The following ARHGEF10L variants were observed in gnomAD, a reference collection of about 807,000 sequenced individuals.
ARHGEF10L encodes Rho guanine nucleotide exchange factor 10 like, also known as rho guanine nucleotide exchange factor 10-like protein.
In ARHGEF10L, 69 loss-of-function variants were observed where a neutral mutation model predicts 141.2. That is an observed-to-expected ratio of 0.49 (90% CI 0.40 to 0.60). ARHGEF10L has a LOEUF of 0.60. Ranked by LOEUF, ARHGEF10L falls within the 20% of genes least tolerant of loss-of-function variation. ARHGEF10L has a pLI of 0.00. For synonymous variants in ARHGEF10L, 711 were observed against 718.5 expected (o/e 0.99, Z 0.17); for missense variants, 1,482 against 1,734.3 (o/e 0.85, Z 2.58).
At chr1:17,596,688 G>C (rs1329853079) in intron 4 of ARHGEF10L, among the ~76,000 whole-genome samples, 1 of 152,182 alleles carries the variant, frequency 6.6e-6, no homozygotes, top group Non-Finnish European at 1.5e-5. Flanking sequence ...ACTGGGGCCT[G>C]TAGCAGCCCC....
At chr1:17,635,050 A>G in intron 18 of ARHGEF10L, 34 bp downstream of exon 18, 1 of 1,605,588 alleles carries the variant, frequency 6.2e-7, no homozygotes, top group Non-Finnish European at 8.5e-7. Context: ...TGCGTTCGTC[A>G]CCCTCGCCCT....
At chr1:17,645,603 G>A (rs926585520) in intron 21 of ARHGEF10L, among the ~76,000 whole-genome samples, 1 of 152,110 alleles carries the variant, frequency 6.6e-6, no homozygotes, top group Non-Finnish European at 1.5e-5. Context: ...CTTGAGAGCA[G>A]GGACAAGCTC....
intron 18 of ARHGEF10L, among the ~76,000 whole-genome samples, chr1:17,636,860 C>A (rs770515489): frequency 1.2e-4 from 18 of 152,148 alleles, no homozygotes; most frequent in Non-Finnish European, 2.5e-4. Context: ...AAAACCACGG[C>A]CTAGAGAATA....
At chr1:17,617,476 T>G (rs2059871942) in intron 9 of ARHGEF10L, among the ~76,000 whole-genome samples, 1 of 152,110 alleles carries the variant, frequency 6.6e-6, no homozygotes, top group Non-Finnish European at 1.5e-5. Flanking sequence ...CAGGGTCAAG[T>G]AAGACCGGCC....
In ARHGEF10L at chr1:17,697,453, A is replaced by G. The variant is rs1025595615; in HGVS notation, c.*73A>G. On this transcript the variant is annotated 3_prime_UTR_variant, in exon 29 of 29. Transcript: ENST00000361221. The surrounding 1 kb of genome is among the most constrained non-coding windows in gnomAD (Gnocchi z 4.8). ...CCACGCCCGGCTCTCGTGCTCTAGG[A>G]CCTGCACGGGACTTGTGGATGGGCC... 8.0e-6 allele frequency: 12 copies of G among 1,496,742 alleles called. No homozygotes were observed. The highest frequency in any genetic ancestry group is 9.9e-6 in the Non-Finnish European group (11 of 1,113,656). The allele number at this position is 1,496,742 out of a possible 1,614,324, so 92.7% of individuals were successfully genotyped here.
intron 26 of ARHGEF10L, among the ~76,000 whole-genome samples, chr1:17,685,262 C>A (rs1478828731): frequency 1.3e-5 from 2 of 152,228 alleles, no homozygotes; most frequent in African/African-American, 4.8e-5. Flanking sequence ...GCTCAACCCC[C>A]TCCAGTGGGC....
At chr1:17,610,942 G>A (rs1168194975) in intron 7 of ARHGEF10L, among the ~76,000 whole-genome samples, 1 of 151,344 alleles carries the variant, frequency 6.6e-6, no homozygotes, top group Non-Finnish European at 1.5e-5. Context: ...TGCCAATCCA[G>A]GATCTGTGGT....
intron 14 of ARHGEF10L, 54 bp downstream of exon 14, chr1:17,626,102 G>A (rs1327862999): frequency 6.5e-7 from 1 of 1,546,466 alleles, no homozygotes; most frequent in Non-Finnish European, 8.9e-7. Flanking sequence ...TGTGGGCTGG[G>A]AGGTGCCTCC....
Position 17,697,291 on chromosome 1 carries a change from G to A in ARHGEF10L, c.3751G>A (p.Gly1251Ser), listed in dbSNP as rs757166589. The A allele has an allele frequency of 1.2e-6, 2 of 1,612,694 alleles. No individual in the cohort carries two copies. Among genetic ancestry groups the A allele is most frequent in the Non-Finnish European group, 1.7e-6 (2 of 1,179,872 alleles). Reference sequence around the variant, plus strand: ...CGGCGGGCAGGGCTACCGCAACTTTGGCAGCGCTCTGGGCAGCAGTGGGAG... The same window carrying A: ...CGGCGGGCAGGGCTACCGCAACTTTAGCAGCGCTCTGGGCAGCAGTGGGAG... ...ISGGQGYRNF[G>S]SALGSSGRQA... Residue 1251 changes from glycine to serine, a missense_variant, in exon 29 of 29, where the codon GGC (glycine) becomes AGC (serine). Physicochemically the swap from Gly to Ser is moderately conservative, Grantham distance 56 (BLOSUM62 0). This residue lies in a region of ARHGEF10L where 858 missense variants were observed against 966.3 expected (regional missense o/e 0.89). Coordinates refer to ENST00000361221, the MANE Select transcript of ARHGEF10L (RefSeq NM_018125.4). The surrounding 1 kb of genome is among the most constrained non-coding windows in gnomAD (Gnocchi z 4.8).
At chr1:17,520,360 C>T in the ARHGEF10L span, among the ~76,000 whole-genome samples, 2 of 152,246 alleles carry the variant, frequency 1.3e-5, no homozygotes, top group Non-Finnish European at 2.9e-5. Flanking sequence ...CTGCCTGCTA[C>T]TTCAACTGAC....
chr1:17,515,080 C>T, the ARHGEF10L span, among the ~76,000 whole-genome samples: 1 of 152,162 alleles, frequency 6.6e-6, no homozygotes, highest in African/African-American at 2.4e-5. Flanking sequence ...GCCCAGCCTG[C>T]TTTCTTCAGA....
In ARHGEF10L at chr1:17,558,633, C is replaced by A. The variant is rs76027873; in HGVS notation, c.-44+18683C>A. On this transcript the variant is annotated intron_variant, in intron 1 of 28. Coordinates refer to ENST00000361221, the MANE Select transcript of ARHGEF10L (RefSeq NM_018125.4). This position sits in a 1 kb window ranked among gnomAD's most constrained non-coding sequence, Gnocchi z 4.2. ...TCTTGCCTTTGGGAAGGCAGGTCAT[C>A]GTGGCTGGGGCAGGTGGGGACCTTT... Among the ~76,000 whole-genome samples the A allele has an allele frequency of 6.6e-6, 1 of 152,208 alleles. No individual in the cohort carries two copies. The highest frequency in any genetic ancestry group is 2.4e-5 in the African/African-American group (1 of 41,452).
rs776804850 is a variant in ARHGEF10L, at chr1:17,632,339, C to A, written c.1603C>A (p.Arg535=). Residue 535 remains arginine, a synonymous_variant, in exon 16 of 29, where the codon CGG becomes AGG. Transcript: ENST00000361221. ...CCTCCAGCTGTTGACCTCAGGCCAG[C>A]GGCAGCTGCTCCTGTGTGAGACGTT... The part of the protein sequence containing the change: ...SLNKLLTSGQ[R]QLLLCETLTE... The A allele has an allele frequency of 6.2e-7, 1 of 1,613,952 alleles. No homozygotes were observed. The highest frequency in any genetic ancestry group is 8.5e-7 in the Non-Finnish European group (1 of 1,180,030).
intron 21 of ARHGEF10L, among the ~76,000 whole-genome samples, chr1:17,643,294 T>G (rs76982177): frequency 0.023 from 3,521 of 152,258 alleles, 152 homozygotes; most frequent in African/African-American, 0.081. Flanking sequence ...GATCATAATC[T>G]GAAGATTGAG....
At chr1:17,630,054 G>A (rs74059382) in intron 15 of ARHGEF10L, among the ~76,000 whole-genome samples, 5,880 of 152,326 alleles carry the variant, frequency 0.039, 391 homozygotes, top group African/African-American at 0.13. Flanking sequence ...TGCTGGGTGA[G>A]GGTAGGTTGG....
chr1:17,544,506 G>A (rs1357555714), intron 1 of ARHGEF10L, among the ~76,000 whole-genome samples: 2 of 151,880 alleles, frequency 1.3e-5, no homozygotes, highest in Non-Finnish European at 2.9e-5. Flanking sequence ...TGTGGGCCAG[G>A]CTGGTCTCAA....
intron 21 of ARHGEF10L, among the ~76,000 whole-genome samples, chr1:17,640,512 G>C (rs894653954): frequency 6.6e-6 from 1 of 152,170 alleles, no homozygotes; most frequent in African/African-American, 2.4e-5. Flanking sequence ...CCCTCTCTGA[G>C]CCTCAGCTTC....
In ARHGEF10L at chr1:17,580,678, G is replaced by T. The variant is rs772047412; in HGVS notation, c.37+46G>T. On this transcript the variant is annotated intron_variant, in intron 2 of 28. Transcript: ENST00000361221. Reference sequence around the variant, plus strand: ...TGTCCCTCTCATCCTTTCTTAGAAGGGGGCCGCTGGGGGCCGGCGGAGGGC... The same window carrying T: ...TGTCCCTCTCATCCTTTCTTAGAAGTGGGCCGCTGGGGGCCGGCGGAGGGC... 6.2e-6 allele frequency: 10 copies of T among 1,611,316 alleles called. No homozygotes were observed. In the South Asian group the frequency reaches 8.8e-5, roughly 14 times the overall value.
chr1:17,570,317 G>A (rs185690584), intron 1 of ARHGEF10L, among the ~76,000 whole-genome samples: 1 of 152,372 alleles, frequency 6.6e-6, no homozygotes, highest in Admixed American at 6.5e-5. Context: ...GTCAGGGCAT[G>A]TGTGTGGGCT....
Sources: allele counts gnomAD v4.1 joint callset (sites outside exome capture counted in the v4.1 genomes callset), GRCh38; gene constraint gnomAD v4.1.1; regional missense constraint gnomAD v4.1.1; non-coding constraint Gnocchi (gnomAD v3.1); transcripts MANE v1.5; gene names NCBI Gene and HGNC (gene_info 2026-07-23, HGNC 2026-07-21).